CCDC126: variants seen among roughly 807,000 people sequenced by gnomAD.
The protein encoded by CCDC126 is coiled-coil domain containing 126.
Under a neutral mutation model 11.7 loss-of-function variants are expected in CCDC126, and 5 were observed. The ratio of observed to expected loss-of-function variants is 0.43; its 90% confidence interval spans 0.22 to 0.90. The LOEUF (loss-of-function observed/expected upper bound fraction) is 0.90. Among genes scored for constraint, CCDC126 ranks in the 40% least tolerant of loss-of-function variants. The probability of loss-of-function intolerance (pLI) is 0.27; values close to 1 mark genes in which losing one functional copy is unlikely to be tolerated. For synonymous variants in CCDC126, 60 were observed against 61.9 expected (o/e 0.97, Z 0.14); for missense variants, 150 against 163.1 (o/e 0.92, Z 0.44).
chr7:23,637,026 A>T (rs1285561232), intron 3 of CCDC126, among the ~76,000 whole-genome samples: 1 of 37,342 alleles, frequency 2.7e-5, no homozygotes, highest in Admixed American at 2.1e-4. Context: ...GGGAAGGGGG[A>T]GGGGGGGTCA....
At chr7:23,639,384 G>A (rs1783314326) in intron 3 of CCDC126, among the ~76,000 whole-genome samples, 1 of 151,904 alleles carries the variant, frequency 6.6e-6, no homozygotes, top group Admixed American at 6.6e-5. Flanking sequence ...TAGTGGAGAC[G>A]GGGTTTCACC....
intron 3 of CCDC126, among the ~76,000 whole-genome samples, chr7:23,635,783 C>T (rs1047607169): frequency 2.0e-5 from 3 of 152,128 alleles, no homozygotes; most frequent in African/African-American, 7.2e-5. Context: ...TAGACTGCAC[C>T]TTTATAATTC....
intron 3 of CCDC126, among the ~76,000 whole-genome samples, chr7:23,616,334 A>G (rs188234056): frequency 1.3e-5 from 2 of 152,296 alleles, no homozygotes; most frequent in Admixed American, 6.5e-5. Context: ...ATTTGTCATC[A>G]TCTTGTAGAT....
chr7:23,598,784 CAG>C (rs1331797318), intron 2 of CCDC126, among the ~76,000 whole-genome samples: 2 of 152,194 alleles, frequency 1.3e-5, no homozygotes, highest in East Asian at 3.8e-4. Flanking sequence ...CAGTGTAGGA[CAG>C]AGAGTAATGG....
intron 3 of CCDC126, among the ~76,000 whole-genome samples, chr7:23,628,551 AG>A (rs1419802974): frequency 1.3e-5 from 2 of 152,220 alleles, no homozygotes; most frequent in Non-Finnish European, 2.9e-5. Context: ...TGGTAAGCCT[AG>A]ACTTTTATCC....
At chr7:23,636,759 G>A (rs1206663351) in intron 3 of CCDC126, among the ~76,000 whole-genome samples, 4 of 135,676 alleles carry the variant, frequency 2.9e-5, no homozygotes, top group Non-Finnish European at 4.9e-5. Flanking sequence ...CACCCCGTCC[G>A]GGAGGGAGGT....
intron 2 of CCDC126, among the ~76,000 whole-genome samples, chr7:23,605,567 T>C (rs1376438220): frequency 6.6e-6 from 1 of 152,214 alleles, no homozygotes; most frequent in Non-Finnish European, 1.5e-5. Context: ...TTCTTCATCA[T>C]CTCCATCTGA....
At chr7:23,607,825 A>T (rs1782645794) in intron 2 of CCDC126, among the ~76,000 whole-genome samples, 1 of 152,170 alleles carries the variant, frequency 6.6e-6, no homozygotes, top group African/African-American at 2.4e-5. Flanking sequence ...CAAGGTCGTC[A>T]TGGTGTCATC....
At chr7:23,620,989 G>GTA (rs1166516783) in intron 3 of CCDC126, among the ~76,000 whole-genome samples, 3 of 152,244 alleles carry the variant, frequency 2.0e-5, no homozygotes, top group African/African-American at 7.2e-5. Flanking sequence ...TAGCCTTGTA[G>GTA]TATAGTTTGA....
At chr7:23,612,474 CAAAAAAAAAAAAA>C (rs70954395) in intron 3 of CCDC126, among the ~76,000 whole-genome samples, 1 of 56,214 alleles carries the variant, frequency 1.8e-5, no homozygotes, top group African/African-American at 6.2e-5. Context: ...GACTCCATCT[CAAAAAAAAAAAAA>C]AAAAAAAAAA....
intron 3 of CCDC126, 114 bp downstream of exon 3, chr7:23,611,667 T>C (rs1240073318): frequency 2.8e-6 from 2 of 713,462 alleles, no homozygotes; most frequent in Non-Finnish European, 4.8e-6. Context: ...TTTTCTTGAC[T>C]TTTTATTATG....
chr7:23,598,872 C>G (rs1001230377), intron 2 of CCDC126, among the ~76,000 whole-genome samples: 1 of 152,194 alleles, frequency 6.6e-6, no homozygotes, highest in African/African-American at 2.4e-5. Flanking sequence ...TTGTGGTCCT[C>G]AATGTCCTCA....
intron 3 of CCDC126, among the ~76,000 whole-genome samples, chr7:23,638,584 G>A (rs1783287786): frequency 8.1e-6 from 1 of 124,048 alleles, no homozygotes; most frequent in Admixed American, 8.3e-5. Flanking sequence ...ACTGCGGAAG[G>A]CCGCAGGGTC....
At chr7:23,615,621 G>C (rs921740971) in intron 3 of CCDC126, among the ~76,000 whole-genome samples, 1 of 152,334 alleles carries the variant, frequency 6.6e-6, no homozygotes, top group African/African-American at 2.4e-5. Context: ...TTTAAAGTGA[G>C]AGAAGAGGGA....
chr7:23,623,138 TG>T (rs1251493292), intron 3 of CCDC126, among the ~76,000 whole-genome samples: 1 of 82,614 alleles, frequency 1.2e-5, no homozygotes, highest in African/African-American at 5.6e-5. Context: ...TATGCCCAGC[TG>T]ATTTTTTTTT....
intron 3 of CCDC126, among the ~76,000 whole-genome samples, chr7:23,626,255 T>C (rs892322891): frequency 6.6e-6 from 1 of 152,124 alleles, no homozygotes; most frequent in Non-Finnish European, 1.5e-5. Flanking sequence ...TATTCTAGTT[T>C]CATTATTTGA....
intron 3 of CCDC126, 26 bp from the exon 4 acceptor site, chr7:23,642,905 A>C (rs1783388131): frequency 1.3e-6 from 2 of 1,596,820 alleles, no homozygotes; most frequent in African/African-American, 2.7e-5. Flanking sequence ...TATTAATGTT[A>C]ATTTTATTCT....
chr7:23,601,829 G>A (rs919627144), intron 2 of CCDC126: 1 of 152,140 alleles, frequency 6.6e-6, no homozygotes, highest in Non-Finnish European at 1.5e-5. Flanking sequence ...GACTACAGGT[G>A]CGCACCACCA....
At chr7:23,600,516 A>G (rs751625688) in intron 2 of CCDC126, among the ~76,000 whole-genome samples, 2 of 151,944 alleles carry the variant, frequency 1.3e-5, no homozygotes, top group Non-Finnish European at 2.9e-5. Flanking sequence ...GGAGAGAACT[A>G]TTTGAACCTC....
Sources: gnomAD v4.1 joint callset for allele counts (sites outside exome capture counted in the v4.1 genomes callset) on GRCh38, gnomAD v4.1.1 for gene constraint, MANE v1.5 for transcripts, NCBI Gene and HGNC (gene_info 2026-07-23, HGNC 2026-07-21) for gene names.